JMJD1C: variants seen among roughly 807,000 people sequenced by gnomAD.
JMJD1C encodes the protein jumonji domain-containing protein 1C.
A neutral mutation model predicts 245.3 loss-of-function variants in JMJD1C; 31 were observed. The ratio of observed to expected loss-of-function variants is 0.13; its 90% CI spans 0.09 to 0.17. JMJD1C has a LOEUF of 0.17. Ranked by LOEUF, JMJD1C falls within the 10% of genes least tolerant of loss-of-function variation. JMJD1C has a pLI of 1.00. For missense variants in JMJD1C, 2,691 were observed against 3,000.2 expected (o/e 0.90, Z 2.41); for synonymous variants, 1,057 against 1,017.4 (o/e 1.04, Z -0.74).
At chr10:63,276,439 C>G (rs1056873247) in intron 2 of JMJD1C, among the ~76,000 whole-genome samples, 3 of 146,662 alleles carry the variant, frequency 2.0e-5, no homozygotes, top group Non-Finnish European at 4.5e-5. Flanking sequence ...GCACTCCAGC[C>G]TGGGAGACAG....
intron 2 of JMJD1C, among the ~76,000 whole-genome samples, chr10:63,370,290 C>T (rs184211319): frequency 3.3e-5 from 5 of 152,322 alleles, no homozygotes; most frequent in African/African-American, 1.2e-4. Context: ...ATGCCTCAAA[C>T]TTGAAACTAG....
intron 8 of JMJD1C, among the ~76,000 whole-genome samples, chr10:63,210,176 C>T (rs1158077772): frequency 1.3e-5 from 2 of 152,104 alleles, no homozygotes. Flanking sequence ...ATATGTGTCT[C>T]AAACGGCCTC....
At chr10:63,318,305 C>A (rs774753973) in intron 2 of JMJD1C, among the ~76,000 whole-genome samples, 1 of 152,194 alleles carries the variant, frequency 6.6e-6, no homozygotes, top group Non-Finnish European at 1.5e-5. Flanking sequence ...GTTGGGATTA[C>A]AAGTGTCAGC....
chr10:63,215,220 T>A, intron 7 of JMJD1C, 43 bp downstream of exon 7: 2 of 1,551,180 alleles, frequency 1.3e-6, no homozygotes, highest in Non-Finnish European at 1.7e-6. Flanking sequence ...TGTATTTTTG[T>A]TTTATTTGTT....
chr10:63,281,035 G>A (rs1160880585), intron 2 of JMJD1C, among the ~76,000 whole-genome samples: 5 of 150,730 alleles, frequency 3.3e-5, no homozygotes, highest in Admixed American at 2.6e-4. Context: ...GGATTTCACC[G>A]TGTTAGCCAG....
chr10:63,498,012 T>G (rs990629524), intron 1 of JMJD1C, among the ~76,000 whole-genome samples: 4 of 152,272 alleles, frequency 2.6e-5, no homozygotes, highest in African/African-American at 9.6e-5. Flanking sequence ...TGCAGTGAAG[T>G]TATACTTCAT....
intron 20 of JMJD1C, 27 bp from the exon 21 acceptor site, chr10:63,184,765 ATAAAT>A: frequency 1.9e-6 from 3 of 1,584,014 alleles, no homozygotes; most frequent in Non-Finnish European, 1.7e-6. Flanking sequence ...TTGCCTTCTT[ATAAAT>A]AAAGATTTGC....
intron 2 of JMJD1C, among the ~76,000 whole-genome samples, chr10:63,266,444 A>G (rs1855582061): frequency 6.6e-6 from 1 of 152,144 alleles, no homozygotes; most frequent in South Asian, 2.1e-4. Flanking sequence ...TAAGAAATTC[A>G]AGAGCATTTA....
At chr10:63,447,104 A>G (rs1221419390) in intron 1 of JMJD1C, among the ~76,000 whole-genome samples, 2 of 152,034 alleles carry the variant, frequency 1.3e-5, no homozygotes, top group Non-Finnish European at 2.9e-5. Context: ...ACAGTATTTA[A>G]ATAAAAATTC....
At chr10:63,239,343 G>A (rs189775152) in intron 3 of JMJD1C, among the ~76,000 whole-genome samples, 11 of 152,314 alleles carry the variant, frequency 7.2e-5, no homozygotes, top group Non-Finnish European at 1.0e-4. Flanking sequence ...GGAGCCTTAC[G>A]ATAGAGGAGA....
At chr10:63,202,640 G>A (rs1469354753) in intron 10 of JMJD1C, 2 of 985,424 alleles carry the variant, frequency 2.0e-6, no homozygotes, top group Non-Finnish European at 2.4e-6. Context: ...AGGGTAAGGA[G>A]CCATTTGGCT....
chr10:63,312,831 T>C (rs749947175), intron 2 of JMJD1C, among the ~76,000 whole-genome samples: 20 of 152,358 alleles, frequency 1.3e-4, no homozygotes, highest in Non-Finnish European at 2.5e-4. Flanking sequence ...GTATTTCCAA[T>C]TTAATTATAC....
At chr10:63,286,006 T>C (rs1159508677) in intron 2 of JMJD1C, among the ~76,000 whole-genome samples, 3 of 131,006 alleles carry the variant, frequency 2.3e-5, no homozygotes, top group Non-Finnish European at 4.8e-5. Flanking sequence ...TAACAATGCA[T>C]ATTCCTGTGC....
chr10:63,260,198 T>G (rs1470450482), intron 3 of JMJD1C, among the ~76,000 whole-genome samples: 1 of 152,152 alleles, frequency 6.6e-6, no homozygotes, highest in African/African-American at 2.4e-5. Flanking sequence ...TCTCTAACGG[T>G]TTTAACTAGT....
At chr10:63,308,354 C>T (rs543964153) in intron 2 of JMJD1C, among the ~76,000 whole-genome samples, 10 of 152,104 alleles carry the variant, frequency 6.6e-5, no homozygotes, top group African/African-American at 2.4e-4. Context: ...GTTTGACCCA[C>T]AAAATAAGGT....
At chr10:63,314,085 T>G (rs1323593430) in intron 2 of JMJD1C, among the ~76,000 whole-genome samples, 1 of 152,244 alleles carries the variant, frequency 6.6e-6, no homozygotes, top group Non-Finnish European at 1.5e-5. Context: ...CTACTTTGAG[T>G]TGATTTTTGT....
chr10:63,235,139 C>T (rs1850576739), intron 3 of JMJD1C, among the ~76,000 whole-genome samples: 1 of 152,154 alleles, frequency 6.6e-6, no homozygotes, highest in Non-Finnish European at 1.5e-5. Flanking sequence ...TGCAGCGTTT[C>T]AGATACTGTG....
intron 1 of JMJD1C, among the ~76,000 whole-genome samples, chr10:63,392,996 G>T (rs994780206): frequency 3.3e-5 from 5 of 151,720 alleles, no homozygotes; most frequent in African/African-American, 1.2e-4. Context: ...TCCAGGAGCA[G>T]CGGCCCATGC....
intron 1 of JMJD1C, among the ~76,000 whole-genome samples, chr10:63,387,219 T>C (rs1228465297): frequency 1.3e-5 from 2 of 152,126 alleles, no homozygotes; most frequent in Non-Finnish European, 2.9e-5. Context: ...TGACTGTCAA[T>C]ACCTGATGCA....
Sources: allele counts gnomAD v4.1 joint callset (sites outside exome capture counted in the v4.1 genomes callset), GRCh38; gene constraint gnomAD v4.1.1; transcripts MANE v1.5; gene names NCBI Gene and HGNC (gene_info 2026-07-23, HGNC 2026-07-21).